The following LTF variants were observed in gnomAD, a reference collection of about 807,000 sequenced individuals.
LTF encodes the protein epididymis luminal protein 110.
Under a neutral mutation model 87.2 loss-of-function variants are expected in LTF, and 91 were observed. That is an observed-to-expected ratio of 1.04 (90% confidence interval 0.88 to 1.24). LTF has a LOEUF of 1.24. Ranked by LOEUF, LTF falls within the 50% of genes most tolerant of loss-of-function variation. The pLI, the probability that LTF is intolerant of heterozygous loss-of-function variation, is 0.00. For synonymous variants in LTF, 378 were observed against 356.1 expected, an observed-to-expected ratio of 1.06 and a Z score of -0.69; for missense variants, 901 against 904.3, an observed-to-expected ratio of 1.00 and a Z score of 0.05.
intron 6 of LTF, among the ~76,000 whole-genome samples, chr3:46,451,171 C>A (rs1702794038): frequency 6.6e-6 from 1 of 151,962 alleles, no homozygotes; most frequent in African/African-American, 2.4e-5. Flanking sequence ...TGAGTTCAGG[C>A]AAATGTGGAA....
At chr3:46,459,585 G>A (rs959156825) in intron 2 of LTF, 71 bp downstream of exon 2, 3 of 1,334,426 alleles carry the variant, frequency 2.2e-6, no homozygotes, top group East Asian at 2.8e-5. Context: ...GAGAGCTCGT[G>A]TTCTATCTTT....
chr3:46,460,638 C>T (rs1464837514), intron 1 of LTF: 1 of 452,842 alleles, frequency 2.2e-6, no homozygotes, highest in South Asian at 1.6e-5. Flanking sequence ...AGACTGACTG[C>T]TTTCCACCTA....
chr3:46,482,719 A>G lies in LTF; in HGVS notation c.-320+2267T>C, dbSNP rs1213254309. Among the ~76,000 whole-genome samples the G allele has an allele frequency of 3.6e-4, 35 of 98,224 alleles. 1 individual carries two copies. Among genetic ancestry groups the G allele is most frequent in the African/African-American group, 1.0e-3 (23 of 22,328 alleles). The allele number at this position is 98,224 out of a possible 152,430, so 64.4% of individuals were successfully genotyped here. A position where few individuals can be genotyped will look rare whatever the true frequency, so the allele number is the denominator to read the frequency against. ...AGGAAGGAAGGAAAGAAAGAAAGAG[A>G]AAGAAAGGAAGGAAGGAAGGAAGGA... is the stretch of plus-strand genomic sequence containing the variant. On this transcript the variant is annotated intron_variant, in intron 1 of 19. Transcript: ENST00000443496.
chr3:46,441,863 G>A (rs532166606), intron 13 of LTF: 8 of 180,204 alleles, frequency 4.4e-5, no homozygotes, highest in South Asian at 1.2e-4. Context: ...TTCTGGAGCA[G>A]CACTTCCAAG....
chr3:46,456,982 T>C (rs4683231), intron 2 of LTF, among the ~76,000 whole-genome samples: 20,625 of 152,110 alleles, frequency 0.14, 1,776 homozygotes, highest in African/African-American at 0.22. Flanking sequence ...TCATCAGGCA[T>C]TGGATTCTCA....
chr3:46,463,632 A>G (rs1025643361), intron 1 of LTF: 11 of 985,538 alleles, frequency 1.1e-5, no homozygotes, highest in Non-Finnish European at 1.2e-5. Flanking sequence ...CCAAGTGAAT[A>G]TAAAACCCAG....
At chr3:46,441,561 T>A in intron 13 of LTF, 78 bp from the exon 14 acceptor site, 1 of 1,009,318 alleles carries the variant, frequency 9.9e-7, no homozygotes, top group Non-Finnish European at 1.5e-6. Context: ...GTAATATGCA[T>A]TCCAAAAACT....
chr3:46,449,922 G>A lies in LTF; in HGVS notation c.989C>T (p.Pro330Leu), dbSNP rs151316517. The change falls in exon 8 of 17, where the codon CCC (proline) becomes CTC (leucine). Residue 330 changes from proline (P) to leucine (L), a missense_variant. Coordinates refer to ENST00000231751, the MANE Select transcript of LTF (RefSeq NM_002343.6). ...KDSAIGFSRVPPRIDSGLYLG... is the reference protein window; with the variant it reads ...KDSAIGFSRVLPRIDSGLYLG... ...GTACAGCCCAGAATCTATCCTCGGGGGCACCCTCGAAAACCCAATGGCAGA... is the reference window on the plus strand; with the variant it reads ...GTACAGCCCAGAATCTATCCTCGGGAGCACCCTCGAAAACCCAATGGCAGA... 3.1e-6 allele frequency: 5 copies of A among 1,614,022 alleles called. No homozygotes were observed. In the African/African-American group the frequency reaches 6.7e-5, roughly 22 times the overall value.
intron 14 of LTF, 85 bp from the exon 15 acceptor site, chr3:46,439,565 G>T: frequency 8.4e-7 from 1 of 1,186,856 alleles, no homozygotes; most frequent in Non-Finnish European, 1.2e-6. Context: ...CCATTCCACT[G>T]ACCTCCCAAA....
intron 5 of LTF, among the ~76,000 whole-genome samples, chr3:46,455,083 T>C (rs1702893473): frequency 6.6e-6 from 1 of 151,968 alleles, no homozygotes; most frequent in Non-Finnish European, 1.5e-5. Flanking sequence ...GTGGGGCTGG[T>C]GAGAAGTTGG....
chr3:46,474,431 T>A (rs1346562404), intron 1 of LTF, among the ~76,000 whole-genome samples: 2 of 152,076 alleles, frequency 1.3e-5, no homozygotes, highest in Non-Finnish European at 2.9e-5. Flanking sequence ...AATGTACCCA[T>A]CAAAAAGCAG....
chr3:46,465,053 A>G (rs113492172), upstream of LTF: 7 of 636,968 alleles, frequency 1.1e-5, no homozygotes, highest in African/African-American at 1.9e-5. Flanking sequence ...GCAGGACAGG[A>G]CTCCACACCG....
Position 46,447,328 on chromosome 3 carries a change from G to T in LTF, c.1283C>A (p.Pro428His). Residue 428 changes from proline to histidine, a missense_variant, in exon 10 of 17, where the codon CCT becomes CAT. Transcript: ENST00000231751. ...CTTACTGTAGTTCTCTGCCAGGACA[G>T]GCACCAAACCACATTTGCCTGCAGT... Reference protein sequence around the residue: ...VYTAGKCGLVPVLAENYKSQQ... With the variant: ...VYTAGKCGLVHVLAENYKSQQ... The T allele has an allele frequency of 1.9e-6, 3 of 1,614,100 alleles. No homozygotes were observed. Among genetic ancestry groups the T allele is most frequent in the Non-Finnish European group, 2.5e-6 (3 of 1,179,958 alleles).
chr3:46,481,091 C>T (rs1219876499), intron 1 of LTF, among the ~76,000 whole-genome samples: 1 of 152,188 alleles, frequency 6.6e-6, no homozygotes, highest in African/African-American at 2.4e-5. Flanking sequence ...TCCTTGGCCC[C>T]TCCAACTCTC....
chr3:46,439,327 T>C lies in LTF; in HGVS notation c.1877A>G (p.Glu626Gly). The change falls in exon 15 of 17, where the codon GAA (glutamate) becomes GGA (glycine). Residue 626 changes from glutamate to glycine, a missense_variant. Glu to Gly is a moderately conservative substitution (Grantham distance 98). Coordinates refer to ENST00000231751, the MANE Select transcript of LTF (RefSeq NM_002343.6). Reference protein sequence around the residue: ...HAVVSRMDKVERLKQVLLHQQ... With the variant: ...HAVVSRMDKVGRLKQVLLHQQ... ...GTGGAGCAACACCTGTTTCAGGCGT[T>C]CCACCTTATCCATCCGAGACACCAC... 6.2e-7 allele frequency: 1 copy of C among 1,613,838 alleles called. No individual in the cohort carries two copies. Among genetic ancestry groups the C allele is most frequent in the Non-Finnish European group, 8.5e-7 (1 of 1,179,844 alleles).
chr3:46,455,527 G>A, intron 4 of LTF, 85 bp from the exon 5 acceptor site: 1 of 1,530,096 alleles, frequency 6.5e-7, no homozygotes, highest in Non-Finnish European at 9.0e-7. Flanking sequence ...GGTCTCCGTG[G>A]GCAAGGCCCC....
At chr3:46,472,999 C>A (rs1343099388) in intron 1 of LTF, among the ~76,000 whole-genome samples, 1 of 152,106 alleles carries the variant, frequency 6.6e-6, no homozygotes, top group African/African-American at 2.4e-5. Flanking sequence ...CTCTTTCAGT[C>A]ACTACATGTC....
chr3:46,439,211 G>A, intron 15 of LTF, 85 bp downstream of exon 15: 1 of 1,300,102 alleles, frequency 7.7e-7, no homozygotes, highest in Non-Finnish European at 1.1e-6. Flanking sequence ...AGGATCGAGT[G>A]GGCTGGTGCA....
chr3:46,441,082 C>T (rs530945703), intron 14 of LTF, among the ~76,000 whole-genome samples: 1 of 152,250 alleles, frequency 6.6e-6, no homozygotes, highest in South Asian at 2.1e-4. Flanking sequence ...TGCATGATCT[C>T]ATGTGGGCAG....
Sources: allele counts gnomAD v4.1 joint callset (sites outside exome capture counted in the v4.1 genomes callset), GRCh38; gene constraint gnomAD v4.1.1; transcripts MANE v1.5; gene names NCBI Gene and HGNC (gene_info 2026-07-23, HGNC 2026-07-21).